SEPTIN9: variants seen among roughly 807,000 people sequenced by gnomAD.
SEPTIN9 encodes septin 9, also known as septin-9.
Under a neutral mutation model 56.6 loss-of-function variants are expected in SEPTIN9, and 13 were observed. The ratio of observed to expected loss-of-function variants is 0.23; its 90% CI spans 0.15 to 0.37. The LOEUF is 0.37. Ranked by LOEUF, SEPTIN9 falls within the 10% of genes least tolerant of loss-of-function variation. SEPTIN9 has a pLI of 1.00. For synonymous variants in SEPTIN9, 332 were observed against 334.1 expected, an observed-to-expected ratio of 0.99 and a Z score of 0.07; for missense variants, 650 against 823.1, an observed-to-expected ratio of 0.79 and a Z score of 2.57.
chr17:77,373,111 C>A, intron 2 of SEPTIN9: 2 of 846,018 alleles, frequency 2.4e-6, no homozygotes, highest in Non-Finnish European at 2.9e-6. Flanking sequence ...GTCCCCTGGG[C>A]GCGGGCCAGG....
intron 2 of SEPTIN9, among the ~76,000 whole-genome samples, chr17:77,352,636 G>A (rs1304280482): frequency 2.0e-5 from 3 of 152,018 alleles, no homozygotes; most frequent in Non-Finnish European, 4.4e-5. Flanking sequence ...CTCTTCTTGT[G>A]TCTCTGTCCA....
chr17:77,404,219 T>A (rs1368389709), intron 3 of SEPTIN9, among the ~76,000 whole-genome samples: 1 of 147,204 alleles, frequency 6.8e-6, no homozygotes, highest in Admixed American at 6.6e-5. Context: ...CACATCTCTC[T>A]AAGTCCCTCT....
chr17:77,462,495 G>A (rs2144508080), intron 3 of SEPTIN9, among the ~76,000 whole-genome samples: 1 of 152,302 alleles, frequency 6.6e-6, no homozygotes, highest in African/African-American at 2.4e-5. Flanking sequence ...TGTTGCCCGG[G>A]CTGGTCTCAA....
chr17:77,463,821 C>T (rs547455236), intron 3 of SEPTIN9, among the ~76,000 whole-genome samples: 11 of 151,842 alleles, frequency 7.2e-5, no homozygotes, highest in East Asian at 5.8e-4. Context: ...CCAGCCTGGA[C>T]GACAGAGCAA....
intron 2 of SEPTIN9, among the ~76,000 whole-genome samples, chr17:77,308,549 G>A (rs759643285): frequency 2.0e-5 from 3 of 152,224 alleles, no homozygotes; most frequent in Non-Finnish European, 4.4e-5. Flanking sequence ...AAATGTTTAC[G>A]TTTACTTTAT....
At chr17:77,382,709 T>C (rs1462876430) in intron 2 of SEPTIN9, among the ~76,000 whole-genome samples, 2 of 152,206 alleles carry the variant, frequency 1.3e-5, no homozygotes, top group Non-Finnish European at 2.9e-5. Flanking sequence ...TTGCTTTTTT[T>C]TCTAAACTAC....
Position 77,484,713 on chromosome 17 carries a change from GGGTGGTGGTGGTGATTGTGAT to G in SEPTIN9, c.913+2392_913+2412del, listed in dbSNP as rs1331918266. 1.5e-3 allele frequency among the ~76,000 whole-genome samples: 94 copies of G among 61,540 alleles called. 5 individuals are homozygous for G. The highest frequency in any genetic ancestry group is 7.4e-3 in the African/African-American group (90 of 12,208). 40.4% of individuals were successfully genotyped at this position (61,540 alleles called of 152,430 possible). ...GTGGTGATTGTGATGGTGGTGATGTGGGTGGTGGTGGTGATTGTGATGGTGGTGGTGGTGGTTGTGATGGTG... is the reference window on the plus strand; with the variant it reads ...GTGGTGATTGTGATGGTGGTGATGTGGGTGGTGGTGGTGGTTGTGATGGTG... On this transcript the variant is annotated intron_variant, in intron 4 of 11. Coordinates refer to ENST00000427177, the MANE Select transcript of SEPTIN9 (RefSeq NM_001113491.2).
chr17:77,361,965 A>T (rs2034433611), intron 2 of SEPTIN9, among the ~76,000 whole-genome samples: 1 of 152,178 alleles, frequency 6.6e-6, no homozygotes, highest in Non-Finnish European at 1.5e-5. Flanking sequence ...CGGGTCTTGC[A>T]CACCTTGCTG....
In SEPTIN9 at chr17:77,327,969, C is replaced by T. The variant is rs2033207842; in HGVS notation, c.76+20772C>T. ...CAGAGTTTCCCCGTGCCCAGTGTGT[C>T]CCTGTATCCAGGGCATCCCCATGCC... On this transcript the variant is annotated intron_variant, in intron 2 of 11. Transcript: ENST00000427177. This position sits in a 1 kb window ranked among gnomAD's most constrained non-coding sequence, Gnocchi z 5.0. Among the ~76,000 whole-genome samples, 1 of 151,852 alleles carries T rather than the reference C, an allele frequency of 6.6e-6. No homozygotes were observed. Among genetic ancestry groups the T allele is most frequent in the African/African-American group, 2.4e-5 (1 of 41,200 alleles).
intron 3 of SEPTIN9, among the ~76,000 whole-genome samples, chr17:77,417,981 C>T (rs982987791): frequency 6.6e-6 from 1 of 152,204 alleles, no homozygotes; most frequent in African/African-American, 2.4e-5. Context: ...CAGTGGCGGC[C>T]TCCTACCTGC....
At chr17:77,462,580 G>A (rs1319498757) in intron 3 of SEPTIN9, among the ~76,000 whole-genome samples, 5 of 152,052 alleles carry the variant, frequency 3.3e-5, no homozygotes, top group African/African-American at 1.2e-4. Context: ...CACTGTGCCC[G>A]GCCTAGGCCT....
Position 77,373,571 on chromosome 17 carries a change from G to A in SEPTIN9, c.77-28488G>A, listed in dbSNP as rs372658602. The A allele has an allele frequency of 3.8e-5, 59 of 1,542,198 alleles. No homozygotes were observed. In the African/African-American group the frequency reaches 7.5e-4, roughly 20 times the overall value. ...TTCGAAGGTGGGTGCTGGGCTGGCT[G>A]CTGCGGCCGCGGACGTGCTGGAGAG... is the stretch of plus-strand genomic sequence containing the variant. On this transcript the variant is annotated intron_variant, in intron 2 of 11. Transcript: ENST00000427177.
intron 3 of SEPTIN9, among the ~76,000 whole-genome samples, chr17:77,408,364 A>T (rs2036166120): frequency 6.6e-6 from 1 of 152,148 alleles, no homozygotes; most frequent in Non-Finnish European, 1.5e-5. Context: ...ACATGGCAGC[A>T]TGTCTCAGTA....
chr17:77,337,334 G>A (rs1476852068), intron 2 of SEPTIN9, among the ~76,000 whole-genome samples: 1 of 151,950 alleles, frequency 6.6e-6, no homozygotes, highest in East Asian at 1.9e-4. Context: ...AACCAACCTT[G>A]CATTTCTGGA....
intron 3 of SEPTIN9, among the ~76,000 whole-genome samples, chr17:77,461,997 C>T (rs2038496565): frequency 6.6e-6 from 1 of 152,222 alleles, no homozygotes; most frequent in Admixed American, 6.5e-5. Flanking sequence ...TTCTCTCTCA[C>T]TCAGGCCTTG....
chr17:77,424,128 C>A (rs1368746615), intron 3 of SEPTIN9, among the ~76,000 whole-genome samples: 2 of 152,272 alleles, frequency 1.3e-5, no homozygotes, highest in Non-Finnish European at 2.9e-5. Context: ...CTGACGTACT[C>A]CAGGCGCTGG....
chr17:77,442,857 A>G (rs568315126), intron 3 of SEPTIN9, among the ~76,000 whole-genome samples: 1 of 152,182 alleles, frequency 6.6e-6, no homozygotes, highest in African/African-American at 2.4e-5. Context: ...TGGGCAACAG[A>G]GTGAGACTGT....
chr17:77,293,747 A>G (rs1283026665), intron 1 of SEPTIN9, among the ~76,000 whole-genome samples: 1 of 152,196 alleles, frequency 6.6e-6, no homozygotes, highest in Non-Finnish European at 1.5e-5. Context: ...TATTTCTCCC[A>G]CATTTTTGGC....
At position 77,319,693 on chromosome 17, in the gene SEPTIN9, C is replaced by T. The variant is rs537084581; in HGVS notation, c.76+12496C>T. The T allele has an allele frequency of 5.6e-6, 6 of 1,066,144 alleles. No individual in the cohort carries two copies. The highest frequency in any genetic ancestry group is 5.2e-5 in the Admixed American group (1 of 19,158). The allele number at this position is 1,066,144 out of a possible 1,614,324, so 66.0% of individuals were successfully genotyped here. On this transcript the variant is annotated intron_variant, in intron 2 of 11. Coordinates refer to ENST00000427177, the MANE Select transcript of SEPTIN9 (RefSeq NM_001113491.2). The surrounding 1 kb of genome is among the most constrained non-coding windows in gnomAD (Gnocchi z 5.3). ...GGGGCCAGCCCAGGACAGAGGAAGGCGAGGCAGGCACGCAGGAACTGGGCT... is the reference window on the plus strand; with the variant it reads ...GGGGCCAGCCCAGGACAGAGGAAGGTGAGGCAGGCACGCAGGAACTGGGCT...
Sources: gnomAD v4.1 joint callset for allele counts (sites outside exome capture counted in the v4.1 genomes callset) on GRCh38, gnomAD v4.1.1 for gene constraint, Gnocchi (gnomAD v3.1) non-coding constraint, MANE v1.5 for transcripts, NCBI Gene and HGNC (gene_info 2026-07-23, HGNC 2026-07-21) for gene names.